ZNF638: variants seen among roughly 807,000 people sequenced by gnomAD.
The protein encoded by ZNF638 is zinc finger protein 638.
A neutral mutation model predicts 195.6 loss-of-function variants in ZNF638; 46 were observed. The ratio of observed to expected loss-of-function variants is 0.24; its 90% CI spans 0.19 to 0.30. ZNF638 has a LOEUF of 0.30. Ranked by LOEUF, ZNF638 falls within the 10% of genes least tolerant of loss-of-function variation. The pLI, the probability that ZNF638 is intolerant of heterozygous loss-of-function variation, is 1.00. For missense variants in ZNF638, 2,440 were observed against 2,325.3 expected, an observed-to-expected ratio of 1.05 and a Z score of -1.01; for synonymous variants, 845 against 772.0, an observed-to-expected ratio of 1.09 and a Z score of -1.57.
chr2:71,406,951 G>A (rs973749929), intron 19 of ZNF638, among the ~76,000 whole-genome samples: 2 of 152,130 alleles, frequency 1.3e-5, no homozygotes, highest in African/African-American at 4.8e-5. Flanking sequence ...AGTGAGCTGT[G>A]TTCACGCCAC....
chr2:71,393,679 C>A (rs537648525), intron 10 of ZNF638: 6 of 710,856 alleles, frequency 8.4e-6, no homozygotes, highest in African/African-American at 1.8e-5. Context: ...CCTTTTTATG[C>A]TCTCGCTTCC....
chr2:71,414,440 T>C (rs1372490713), intron 20 of ZNF638, among the ~76,000 whole-genome samples: 1 of 22,428 alleles, frequency 4.5e-5, no homozygotes, highest in Non-Finnish European at 9.4e-5. Flanking sequence ...CCTGGATTCA[T>C]TGATTTTTTG....
At chr2:71,424,110 G>A (rs773833803) in intron 22 of ZNF638, 72 bp downstream of exon 22, 17 of 1,521,354 alleles carry the variant, frequency 1.1e-5, no homozygotes, top group Non-Finnish European at 1.5e-5. Flanking sequence ...CTATGTAGTA[G>A]GAGATGTAAT....
At chr2:71,342,003 AT>A (rs1200077195) in intron 1 of ZNF638, among the ~76,000 whole-genome samples, 1 of 152,066 alleles carries the variant, frequency 6.6e-6, no homozygotes, top group Admixed American at 6.6e-5. Flanking sequence ...GCTTAATTTT[AT>A]TTTCTAAATT....
chr2:71,398,862 G>A (rs2079947536), intron 12 of ZNF638, 90 bp downstream of exon 12: 3 of 1,123,672 alleles, frequency 2.7e-6, no homozygotes, highest in Admixed American at 4.5e-5. Context: ...AATACTTGAA[G>A]AGTTTAGTAG....
At chr2:71,363,066 G>C (rs2079135776) in intron 3 of ZNF638, 87 bp from the exon 4 acceptor site, 1 of 941,996 alleles carries the variant, frequency 1.1e-6, no homozygotes, top group Admixed American at 2.3e-5. Flanking sequence ...GTTGTGAAAA[G>C]TCCTTTTGAT....
intron 8 of ZNF638, among the ~76,000 whole-genome samples, chr2:71,374,368 A>G (rs187404726): frequency 6.6e-6 from 1 of 152,268 alleles, no homozygotes. Context: ...TGGCAATACT[A>G]TGTGGTTTCT....
chr2:71,396,232 C>T, intron 11 of ZNF638, 41 bp downstream of exon 11: 1 of 1,540,276 alleles, frequency 6.5e-7, no homozygotes, highest in Non-Finnish European at 8.9e-7. Context: ...TTAGTTAAAA[C>T]TTTAATGTAT....
At chr2:71,376,702 A>G (rs560053373) in intron 8 of ZNF638, among the ~76,000 whole-genome samples, 6 of 76,376 alleles carry the variant, frequency 7.9e-5, no homozygotes, top group South Asian at 9.8e-4. Context: ...ATGAATCTAA[A>G]TATTACAGAA....
intron 10 of ZNF638, among the ~76,000 whole-genome samples, chr2:71,392,954 G>A (rs761871902): frequency 5.3e-5 from 8 of 152,156 alleles, no homozygotes; most frequent in East Asian, 3.9e-4. Context: ...GAGTCCACAC[G>A]ATACATCATT....
intron 10 of ZNF638, among the ~76,000 whole-genome samples, chr2:71,391,538 T>G (rs1366633365): frequency 6.6e-6 from 1 of 152,224 alleles, no homozygotes; most frequent in Non-Finnish European, 1.5e-5. Context: ...CCAATACTTT[T>G]GAGTTTATAT....
intron 15 of ZNF638, 80 bp from the exon 16 acceptor site, chr2:71,401,876 T>C: frequency 8.1e-7 from 1 of 1,241,936 alleles, no homozygotes; most frequent in Non-Finnish European, 1.1e-6. Context: ...TATACTAATA[T>C]AACATGATAC....
chr2:71,431,833 G>A (rs1223936459), intron 26 of ZNF638, among the ~76,000 whole-genome samples: 2 of 152,058 alleles, frequency 1.3e-5, no homozygotes, highest in African/African-American at 4.8e-5. Flanking sequence ...AACCTTGGCT[G>A]CATTGTCATT....
chr2:71,395,180 C>G (rs1056982604), intron 10 of ZNF638: 5 of 715,952 alleles, frequency 7.0e-6, no homozygotes, highest in Non-Finnish European at 1.3e-5. Context: ...TAGACCCTCA[C>G]TCCTTGATTG....
At chr2:71,395,752 A>C (rs1321476424) in intron 10 of ZNF638, 2 of 387,738 alleles carry the variant, frequency 5.2e-6, no homozygotes, top group Non-Finnish European at 9.6e-6. Flanking sequence ...CACTCATGCA[A>C]AATACCTGTG....
chr2:71,368,582 T>G lies in ZNF638; in HGVS notation c.2142+54T>G, dbSNP rs2104294026. On this transcript the variant is annotated intron_variant, in intron 7 of 27. Coordinates refer to ENST00000264447, the MANE Select transcript of ZNF638 (RefSeq NM_014497.5). ...CATACAAAGTGATTGCTTTAATGAT[T>G]CTATAAATTGCTGTTGTGTTCCTTA... The G allele has an allele frequency of 4.4e-6, 7 of 1,587,630 alleles. 1 individual carries two copies. The South Asian group carries it at 7.9e-5, about 18-fold the overall frequency.
At chr2:71,395,626 T>G (rs920613239) in intron 10 of ZNF638, 2 of 554,504 alleles carry the variant, frequency 3.6e-6, no homozygotes, top group Non-Finnish European at 6.8e-6. Flanking sequence ...ACCTACAGAT[T>G]GTGTTGGCTC....
chr2:71,434,704 T>C (rs773848764), intron 27 of ZNF638, 38 bp from the exon 28 acceptor site: 4 of 1,569,284 alleles, frequency 2.5e-6, no homozygotes, highest in Non-Finnish European at 3.5e-6. Context: ...CAAAATAACG[T>C]CTAATAAGTA....
At position 71,398,773 on chromosome 2, in the gene ZNF638, G is replaced by T. The variant is rs1331827089; in HGVS notation, c.2500+1G>T. The T allele has an allele frequency of 3.7e-6, 6 of 1,610,040 alleles. No individual in the cohort carries two copies. The highest frequency in any genetic ancestry group is 1.7e-5 in the Admixed American group (1 of 59,758). On this transcript the variant is annotated splice_donor_variant, in intron 12 of 27. Coordinates refer to ENST00000264447, the MANE Select transcript of ZNF638 (RefSeq NM_014497.5). LOFTEE classifies it high-confidence loss of function. ...GGTAATAAAGCTTCAATCAAAACAG[G>T]TAAGACTATTGGGGAGGAGAGATTT...
Sources: gnomAD v4.1 joint callset for allele counts (sites outside exome capture counted in the v4.1 genomes callset) on GRCh38, gnomAD v4.1.1 for gene constraint, MANE v1.5 for transcripts, NCBI Gene and HGNC (gene_info 2026-07-23, HGNC 2026-07-21) for gene names.